CSMD1: variants seen among roughly 807,000 people sequenced by gnomAD.
CSMD1 encodes CUB and sushi domain-containing protein 1.
In CSMD1, 213 loss-of-function variants were observed where a neutral mutation model predicts 417.5. That is an observed-to-expected ratio of 0.51 (90% CI 0.46 to 0.57). The LOEUF (loss-of-function observed/expected upper bound fraction) is 0.57. Among genes scored for constraint, CSMD1 ranks in the 20% least tolerant of loss-of-function variants. CSMD1 has a pLI of 0.00. For missense variants in CSMD1, 6,923 were observed against 4,529.7 expected (o/e 1.53, Z -15.17); for synonymous variants, 2,862 against 1,736.8 (o/e 1.65, Z -16.11).
intron 1 of CSMD1, among the ~76,000 whole-genome samples, chr8:4,767,003 T>C (rs1344453263): frequency 1.3e-5 from 2 of 152,240 alleles, no homozygotes; most frequent in East Asian, 3.8e-4. Flanking sequence ...GCTCTTGTCT[T>C]CTTGGAAAAA....
intron 2 of CSMD1, among the ~76,000 whole-genome samples, chr8:4,528,587 TAAC>T (rs2130440520): frequency 6.6e-6 from 1 of 152,290 alleles, no homozygotes; most frequent in South Asian, 2.1e-4. Context: ...TATCACAAAA[TAAC>T]AATAAACATA....
chr8:3,847,227 G>A (rs1336146884), intron 5 of CSMD1, among the ~76,000 whole-genome samples: 2 of 152,124 alleles, frequency 1.3e-5, no homozygotes, highest in Non-Finnish European at 2.9e-5. Context: ...ACAGGGCAAA[G>A]GTGAAGACAT....
intron 5 of CSMD1, among the ~76,000 whole-genome samples, chr8:3,926,053 T>TACACACACACACACGCAAACACCATAC (rs1809656881): frequency 1.1e-5 from 1 of 87,820 alleles, no homozygotes; most frequent in African/African-American, 3.6e-5. Context: ...AAACACCATA[T>TACACACACACACACGCAAACACCATAC]ACACACACAC....
intron 3 of CSMD1, among the ~76,000 whole-genome samples, chr8:4,053,361 A>C (rs1212616433): frequency 6.6e-6 from 1 of 151,948 alleles, no homozygotes; most frequent in Non-Finnish European, 1.5e-5. Flanking sequence ...TATTATTCTA[A>C]ATTCTCTACA....
At chr8:3,380,973 A>G (rs1452442674) in intron 18 of CSMD1, among the ~76,000 whole-genome samples, 2 of 152,206 alleles carry the variant, frequency 1.3e-5, no homozygotes, top group Non-Finnish European at 2.9e-5. Flanking sequence ...TGGGGATGGT[A>G]CTTGAATGCA....
chr8:4,994,829 G>A lies in CSMD1; in HGVS notation c.-413C>T, dbSNP rs555174138. 2.0e-5 allele frequency: 4 copies of A among 196,372 alleles called. No homozygotes were observed. Among genetic ancestry groups the A allele is most frequent in the African/African-American group, 4.8e-5 (2 of 42,038 alleles). The allele number at this position is 196,372 out of a possible 1,614,324, so 12.2% of individuals were successfully genotyped here. A position where few individuals can be genotyped will look rare whatever the true frequency, so the allele number is the denominator to read the frequency against. The stretch of plus-strand genomic sequence containing the variant: ...GGGAGATGCGGGGAGGGGGGCGCGG[G>A]GGGGAGGAGAGATCCAGTCTAGAGA... On this transcript the variant is annotated 5_prime_UTR_variant, in exon 1 of 70. Transcript: ENST00000635120.
chr8:3,568,746 T>A (rs1157675816), intron 10 of CSMD1, among the ~76,000 whole-genome samples: 1 of 152,118 alleles, frequency 6.6e-6, no homozygotes, highest in Non-Finnish European at 1.5e-5. Flanking sequence ...CATATATATA[T>A]GTATGCATGC....
chr8:4,168,293 C>A (rs928597616), intron 3 of CSMD1, among the ~76,000 whole-genome samples: 2 of 151,796 alleles, frequency 1.3e-5, no homozygotes, highest in East Asian at 3.9e-4. Flanking sequence ...ACACAGGAGG[C>A]TGAGGCAGAA....
At chr8:4,309,519 T>C (rs1798442143) in intron 3 of CSMD1, among the ~76,000 whole-genome samples, 1 of 152,070 alleles carries the variant, frequency 6.6e-6, no homozygotes, top group African/African-American at 2.4e-5. Context: ...AAAAGGTAAA[T>C]CCTGTAACAC....
intron 8 of CSMD1, among the ~76,000 whole-genome samples, chr8:3,613,579 A>G: frequency 6.6e-6 from 1 of 152,080 alleles, no homozygotes; most frequent in East Asian, 1.9e-4. Flanking sequence ...TTATTTCAGA[A>G]TATGAGTTTT....
intron 26 of CSMD1, among the ~76,000 whole-genome samples, chr8:3,262,187 ATATATATAT>A (rs1563199364): frequency 0.023 from 1,054 of 46,714 alleles, 57 homozygotes; most frequent in Admixed American, 0.027. Context: ...TCATATGAAT[ATATATATAT>A]ATATATATAT....
chr8:3,889,674 T>A lies in CSMD1; in HGVS notation c.818+108229A>T, dbSNP rs187847067. On this transcript the variant is annotated intron_variant, in intron 5 of 69. Coordinates refer to ENST00000635120, the MANE Select transcript of CSMD1 (RefSeq NM_033225.6). The stretch of plus-strand genomic sequence containing the variant: ...AAGTTGGTCCTATCTACTGTCTATC[T>A]GCAAAATGAAACTCAACCTGGACTT... Among the ~76,000 whole-genome samples the A allele has an allele frequency of 6.6e-5, 10 of 151,662 alleles. No individual in the cohort carries two copies. In the East Asian group the frequency reaches 1.9e-3, roughly 30 times the overall value.
At chr8:4,237,104 C>A (rs1420089123) in intron 3 of CSMD1, among the ~76,000 whole-genome samples, 1 of 152,188 alleles carries the variant, frequency 6.6e-6, no homozygotes, top group African/African-American at 2.4e-5. Flanking sequence ...TCACTATCCT[C>A]CATCAAGAAC....
chr8:3,582,997 G>C (rs1027456597), intron 9 of CSMD1, among the ~76,000 whole-genome samples: 2 of 152,132 alleles, frequency 1.3e-5, no homozygotes, highest in African/African-American at 4.8e-5. Flanking sequence ...ATTTTGTCTG[G>C]CCTTTACATA....
At chr8:4,339,621 C>T (rs908250041) in intron 3 of CSMD1, among the ~76,000 whole-genome samples, 3 of 152,044 alleles carry the variant, frequency 2.0e-5, no homozygotes, top group East Asian at 1.9e-4. Context: ...TCAATGATTA[C>T]CTGCCCACAT....
chr8:4,173,000 T>C (rs757995206), intron 3 of CSMD1, among the ~76,000 whole-genome samples: 2 of 152,110 alleles, frequency 1.3e-5, no homozygotes, highest in African/African-American at 4.8e-5. Flanking sequence ...CACAGAAACC[T>C]TGAAATAATA....
At chr8:4,027,187 A>C (rs919744532) in intron 4 of CSMD1, among the ~76,000 whole-genome samples, 1 of 152,180 alleles carries the variant, frequency 6.6e-6, no homozygotes, top group Admixed American at 6.5e-5. Flanking sequence ...GGTAAGAAGC[A>C]TATAGGAAGC....
intron 3 of CSMD1, among the ~76,000 whole-genome samples, chr8:4,173,258 T>G (rs1206713272): frequency 6.6e-6 from 1 of 152,176 alleles, no homozygotes; most frequent in Non-Finnish European, 1.5e-5. Flanking sequence ...ACATTTGGAA[T>G]GTAATAAAAT....
intron 5 of CSMD1, among the ~76,000 whole-genome samples, chr8:3,874,861 C>T (rs895453152): frequency 6.6e-6 from 1 of 151,966 alleles, no homozygotes; most frequent in Admixed American, 6.6e-5. Flanking sequence ...ATTAAGAAAA[C>T]GGCAAAGGGT....
Sources: gnomAD v4.1 joint callset for allele counts (sites outside exome capture counted in the v4.1 genomes callset) on GRCh38, gnomAD v4.1.1 for gene constraint, MANE v1.5 for transcripts, NCBI Gene and HGNC (gene_info 2026-07-23, HGNC 2026-07-21) for gene names.